Variants in NEXMIF observed in about 807,000 individuals in gnomAD.
NEXMIF encodes neurite extension and migration factor.
NEXMIF carries 8 observed loss-of-function variants against 62.1 expected under a neutral mutation model. The ratio of observed to expected loss-of-function variants is 0.13; its 90% confidence interval spans 0.08 to 0.23. The LOEUF is 0.23. NEXMIF is among the 10% of genes least tolerant of loss of function. The probability of loss-of-function intolerance (pLI) is 1.00; values close to 1 mark genes in which losing one functional copy is unlikely to be tolerated. For missense variants in NEXMIF, 976 were observed against 1,113.3 expected (o/e 0.88, Z 1.75); for synonymous variants, 404 against 416.6 (o/e 0.97, Z 0.37).
intron 1 of NEXMIF, among the ~76,000 whole-genome samples, chrX:74,878,570 A>C (rs1388319941): frequency 1.8e-5 from 2 of 112,546 alleles, no homozygotes; most frequent in Admixed American, 9.3e-5. Flanking sequence ...GGGCAATGGC[A>C]GGCGCCCCTC....
Position 74,741,123 on chromosome X carries a change from T to A in NEXMIF, c.3434A>T (p.Asp1145Val), listed in dbSNP as rs780654337. Residue 1145 changes from aspartate to valine, a missense_variant, in exon 3 of 4, where the codon GAT becomes GTT. By Grantham distance (152) the Asp-to-Val change is radical. Coordinates refer to ENST00000055682, the MANE Select transcript of NEXMIF (RefSeq NM_001008537.3). ...QFQFHMFNDE[D>V]SVSLLQKNPC... Reference sequence around the variant, plus strand: ...GTTTTTTTGGAGCAGGCTGACAGAATCCTCATCATTGAACATATGGAACTG... The same window carrying A: ...GTTTTTTTGGAGCAGGCTGACAGAAACCTCATCATTGAACATATGGAACTG... 5 of 1,208,875 alleles carry A rather than the reference T, an allele frequency of 4.1e-6. No homozygotes were observed. In the Admixed American group the frequency reaches 1.1e-4, roughly 26 times the overall value.
chrX:74,902,155 TAAC>T (rs1011426978), intron 1 of NEXMIF, among the ~76,000 whole-genome samples: 3 of 109,931 alleles, frequency 2.7e-5, no homozygotes, highest in Non-Finnish European at 5.7e-5. Flanking sequence ...CTGGTCATCT[TAAC>T]AAAAAAAAGG....
intron 1 of NEXMIF, among the ~76,000 whole-genome samples, chrX:74,778,466 G>A (rs2080235531): frequency 9.2e-6 from 1 of 108,966 alleles, no homozygotes; most frequent in African/African-American, 3.4e-5. Flanking sequence ...TCGCTCTCTC[G>A]CCCAGGCTGG....
At chrX:74,831,884 TG>T (rs1375363504) in intron 1 of NEXMIF, among the ~76,000 whole-genome samples, 1 of 112,316 alleles carries the variant, frequency 8.9e-6, no homozygotes, top group African/African-American at 3.2e-5. Context: ...ACACGGTTTT[TG>T]TGCTACACTC....
intron 1 of NEXMIF, among the ~76,000 whole-genome samples, chrX:74,887,741 A>T (rs932182392): frequency 4.5e-5 from 5 of 111,931 alleles, no homozygotes; most frequent in Non-Finnish European, 7.5e-5. Context: ...CGGTGTGGTG[A>T]TTCCTCAGGG....
At chrX:74,903,325 T>TACACACAC (rs397897060) in intron 1 of NEXMIF, among the ~76,000 whole-genome samples, 1,751 of 51,225 alleles carry the variant, frequency 0.034, 169 homozygotes, top group East Asian at 0.11. Flanking sequence ...TTCTCAGGCA[T>TACACACAC]ACACACACAC....
chrX:74,879,175 G>A (rs2080652553), intron 1 of NEXMIF, among the ~76,000 whole-genome samples: 1 of 112,168 alleles, frequency 8.9e-6, no homozygotes, highest in South Asian at 3.7e-4. Flanking sequence ...AATCATCTAC[G>A]TTTGTGTAAG....
chrX:74,921,034 G>A (rs2080825134), intron 1 of NEXMIF, among the ~76,000 whole-genome samples: 1 of 111,769 alleles, frequency 8.9e-6, no homozygotes, highest in Admixed American at 9.5e-5. Flanking sequence ...GGATAAATAA[G>A]ATGACATATT....
At chrX:74,747,877 A>T (rs969975158) in intron 1 of NEXMIF, among the ~76,000 whole-genome samples, 1 of 112,179 alleles carries the variant, frequency 8.9e-6, no homozygotes, top group African/African-American at 3.2e-5. Context: ...CAGCCTCCTG[A>T]AGTGCTGGAT....
intron 1 of NEXMIF, among the ~76,000 whole-genome samples, chrX:74,807,801 T>C (rs2080349497): frequency 2.7e-5 from 3 of 111,726 alleles, no homozygotes; most frequent in African/African-American, 6.5e-5. Flanking sequence ...GAACTTCCAG[T>C]ACAATATTGA....
intron 1 of NEXMIF, among the ~76,000 whole-genome samples, chrX:74,921,212 A>G (rs2080825899): frequency 9.0e-6 from 1 of 111,181 alleles, no homozygotes; most frequent in South Asian, 3.9e-4. Context: ...AGGCCTGTGA[A>G]TCACTGTGGG....
chrX:74,881,736 A>G (rs1369076348), intron 1 of NEXMIF, among the ~76,000 whole-genome samples: 6 of 112,341 alleles, frequency 5.3e-5, no homozygotes, highest in Non-Finnish European at 1.1e-4. Context: ...TAGACCAAAA[A>G]CATTCCCACA....
At chrX:74,779,619 G>A (rs2080239825) in intron 1 of NEXMIF, among the ~76,000 whole-genome samples, 1 of 111,601 alleles carries the variant, frequency 9.0e-6, no homozygotes, top group Admixed American at 9.5e-5. Context: ...TCCCAACATA[G>A]GCAAGATCTC....
chrX:74,905,988 G>T (rs145164208), intron 1 of NEXMIF, among the ~76,000 whole-genome samples: 1,376 of 111,018 alleles, frequency 0.012, 21 homozygotes, highest in African/African-American at 0.042. Context: ...GGAAAAAAAA[G>T]GCTGGGCAGG....
chrX:74,740,108 T>C lies in NEXMIF; in HGVS notation c.4449A>G (p.Glu1483=), dbSNP rs148446893. ...HKDESGTASF[E]KLRDSDYNLL... is the part of the protein sequence containing the mutation. Reference sequence around the variant, plus strand: ...TACTGGTGCAGTATTACCTCAGTTTTTCAAAAGAAGCTGTCCCAGACTCAT... The same window carrying C: ...TACTGGTGCAGTATTACCTCAGTTTCTCAAAAGAAGCTGTCCCAGACTCAT... Residue 1483 remains glutamate, a synonymous_variant, in exon 3 of 4, where the codon GAA becomes GAG. Transcript: ENST00000055682. 4 of 1,207,136 alleles carry C rather than the reference T, an allele frequency of 3.3e-6. No individual in the cohort carries two copies. The highest frequency in any genetic ancestry group is 4.4e-5 in the Admixed American group (2 of 45,483).
rs1416282252 is a variant in NEXMIF at position 74,875,205 on chromosome X, G to C, written c.-48+49678C>G. Among the ~76,000 whole-genome samples, 12 of 110,683 alleles carry C rather than the reference G, an allele frequency of 1.1e-4. No individual in the cohort carries two copies. The East Asian group carries it at 1.1e-3, about 11-fold the overall frequency. On this transcript the variant is annotated intron_variant, in intron 1 of 3. Coordinates refer to ENST00000055682, the MANE Select transcript of NEXMIF (RefSeq NM_001008537.3). ...TTTATTGAGAGTTTTTAGCATGAAGGGTTGTTGAATTTTGTCAAAGGCCTT... is the reference window on the plus strand; with the variant it reads ...TTTATTGAGAGTTTTTAGCATGAAGCGTTGTTGAATTTTGTCAAAGGCCTT...
At chrX:74,793,236 G>C (rs1434159607) in intron 1 of NEXMIF, among the ~76,000 whole-genome samples, 21 of 110,097 alleles carry the variant, frequency 1.9e-4, no homozygotes, top group African/African-American at 6.3e-4. Flanking sequence ...CACTTATGAA[G>C]CTTAGTTTGG....
chrX:74,879,932 G>A (rs773250880), intron 1 of NEXMIF, among the ~76,000 whole-genome samples: 29 of 111,444 alleles, frequency 2.6e-4, no homozygotes, highest in South Asian at 7.5e-4. Context: ...CATTGTCATC[G>A]ATAATGGGGA....
At chrX:74,872,848 A>G (rs964941578) in intron 1 of NEXMIF, among the ~76,000 whole-genome samples, 3 of 110,310 alleles carry the variant, frequency 2.7e-5, no homozygotes, top group Non-Finnish European at 5.7e-5. Context: ...TTTTTTAAAA[A>G]TATTATAATG....
Sources: gnomAD v4.1 joint callset for allele counts (sites outside exome capture counted in the v4.1 genomes callset) on GRCh38, gnomAD v4.1.1 for gene constraint, MANE v1.5 for transcripts, NCBI Gene and HGNC (gene_info 2026-07-23, HGNC 2026-07-21) for gene names.